Variants in EPHA5 observed in about 807,000 individuals in gnomAD.
The protein encoded by EPHA5 is EPH receptor A5, also known as ephrin type-A receptor 5.
EPHA5 carries 60 observed loss-of-function variants against 105.0 expected under a neutral mutation model. The ratio of observed to expected loss-of-function variants is 0.57; its 90% CI spans 0.46 to 0.71. The LOEUF is 0.71. Among genes scored for constraint, EPHA5 ranks in the 30% least tolerant of loss-of-function variants. The probability of loss-of-function intolerance (pLI) is 0.00; values close to 1 mark genes in which losing one functional copy is unlikely to be tolerated. For synonymous variants in EPHA5, 513 were observed against 449.1 expected (o/e 1.14, Z -1.80); for missense variants, 1,218 against 1,274.7 (o/e 0.96, Z 0.68).
At chr4:65,337,734 G>A (rs1487637969) in intron 14 of EPHA5, among the ~76,000 whole-genome samples, 1 of 152,012 alleles carries the variant, frequency 6.6e-6, no homozygotes, top group East Asian at 1.9e-4. Flanking sequence ...GAGCATAGGA[G>A]ATAGCTGGAC....
intron 3 of EPHA5, among the ~76,000 whole-genome samples, chr4:65,562,695 A>T (rs1178339220): frequency 6.6e-6 from 1 of 152,104 alleles, no homozygotes; most frequent in African/African-American, 2.4e-5. Context: ...ACAATTCTCA[A>T]AAGGCAAGAT....
chr4:65,591,531 G>A (rs1742654765), intron 3 of EPHA5, among the ~76,000 whole-genome samples: 1 of 151,484 alleles, frequency 6.6e-6, no homozygotes, highest in African/African-American at 2.4e-5. Context: ...GTGTTCCCAA[G>A]TTTCACTCAT....
intron 2 of EPHA5, among the ~76,000 whole-genome samples, chr4:65,617,363 A>G (rs549836328): frequency 1.3e-5 from 2 of 152,178 alleles, no homozygotes; most frequent in Admixed American, 1.3e-4. Flanking sequence ...CCTCTCCATC[A>G]CCAGTATTAT....
chr4:65,392,400 A>G (rs1720806941), intron 8 of EPHA5, among the ~76,000 whole-genome samples: 2 of 152,140 alleles, frequency 1.3e-5, no homozygotes, highest in East Asian at 3.9e-4. Flanking sequence ...TTTGGTTACC[A>G]TTATTTTAAA....
intron 3 of EPHA5, 90 bp from the exon 4 acceptor site, chr4:65,495,633 C>A (rs902071781): frequency 1.9e-6 from 2 of 1,027,912 alleles, no homozygotes; most frequent in African/African-American, 1.6e-5. Context: ...CTTGTATATG[C>A]AGATTACAGA....
intron 16 of EPHA5, among the ~76,000 whole-genome samples, chr4:65,324,947 C>T (rs1488767824): frequency 6.6e-6 from 1 of 151,092 alleles, no homozygotes; most frequent in Non-Finnish European, 1.5e-5. Context: ...AAACTAACAA[C>T]ATATTATGGA....
At chr4:65,365,887 A>G in intron 10 of EPHA5, 45 bp downstream of exon 10, 1 of 1,581,864 alleles carries the variant, frequency 6.3e-7, no homozygotes, top group Non-Finnish European at 8.7e-7. Context: ...TACATTCTGG[A>G]ATGCAAACAA....
intron 2 of EPHA5, among the ~76,000 whole-genome samples, chr4:65,607,006 A>G (rs1265428415): frequency 6.6e-6 from 1 of 152,168 alleles, no homozygotes; most frequent in Non-Finnish European, 1.5e-5. Flanking sequence ...TAAATATAAT[A>G]TCTTCTCAAG....
intron 5 of EPHA5, among the ~76,000 whole-genome samples, chr4:65,447,591 A>C (rs1275297011): frequency 6.6e-6 from 1 of 151,896 alleles, no homozygotes; most frequent in Non-Finnish European, 1.5e-5. Context: ...TCTAAATCTT[A>C]CTACTATTTT....
intron 15 of EPHA5, among the ~76,000 whole-genome samples, chr4:65,333,137 G>C (rs890789582): frequency 2.6e-5 from 4 of 151,260 alleles, no homozygotes; most frequent in Non-Finnish European, 5.9e-5. Flanking sequence ...GGAATAATCA[G>C]AAAAAAATGG....
At chr4:65,457,232 A>G (rs1266300224) in intron 5 of EPHA5, among the ~76,000 whole-genome samples, 1 of 152,166 alleles carries the variant, frequency 6.6e-6, no homozygotes, top group African/African-American at 2.4e-5. Flanking sequence ...AGTTCAGTGA[A>G]GGCTGGCTGG....
chr4:65,527,639 G>A (rs1735365662), intron 3 of EPHA5, among the ~76,000 whole-genome samples: 1 of 151,922 alleles, frequency 6.6e-6, no homozygotes, highest in Non-Finnish European at 1.5e-5. Context: ...ATAACTGCCG[G>A]CTACTGGAAC....
chr4:65,363,069 T>C (rs1036485468), intron 11 of EPHA5, among the ~76,000 whole-genome samples: 3 of 151,544 alleles, frequency 2.0e-5, no homozygotes, highest in Non-Finnish European at 4.4e-5. Flanking sequence ...TCAGTGAAGT[T>C]GAAAAAGTAG....
chr4:65,369,918 G>A (rs1395463623), intron 8 of EPHA5, among the ~76,000 whole-genome samples: 1 of 152,132 alleles, frequency 6.6e-6, no homozygotes, highest in Non-Finnish European at 1.5e-5. Context: ...AGTGAGCCAA[G>A]ATCTTGCCAC....
intron 15 of EPHA5, among the ~76,000 whole-genome samples, chr4:65,332,510 A>C (rs1223498424): frequency 6.6e-6 from 1 of 151,442 alleles, no homozygotes; most frequent in Non-Finnish European, 1.5e-5. Flanking sequence ...AATGTACACA[A>C]CCAACAGTGA....
intron 14 of EPHA5, among the ~76,000 whole-genome samples, chr4:65,343,588 A>G (rs1219381681): frequency 6.6e-6 from 1 of 152,208 alleles, no homozygotes; most frequent in Non-Finnish European, 1.5e-5. Context: ...TTTTTCTCCA[A>G]AGAAATATTT....
intron 3 of EPHA5, among the ~76,000 whole-genome samples, chr4:65,591,135 A>G (rs1742603026): frequency 6.6e-6 from 1 of 152,132 alleles, no homozygotes; most frequent in Admixed American, 6.5e-5. Flanking sequence ...CTAAAAAAGT[A>G]AATATATTAT....
At chr4:65,455,858 T>A (rs1312858496) in intron 5 of EPHA5, among the ~76,000 whole-genome samples, 2 of 152,176 alleles carry the variant, frequency 1.3e-5, no homozygotes, top group African/African-American at 4.8e-5. Context: ...TTTCTTAAAT[T>A]CTGAAGAGTT....
chr4:65,466,769 C>T (rs369208366), intron 5 of EPHA5, among the ~76,000 whole-genome samples: 14 of 152,302 alleles, frequency 9.2e-5, no homozygotes, highest in East Asian at 3.9e-4. Flanking sequence ...AGCTCTTAAA[C>T]ATTACCTGGG....
Sources: allele counts gnomAD v4.1 joint callset (sites outside exome capture counted in the v4.1 genomes callset), GRCh38; gene constraint gnomAD v4.1.1; transcripts MANE v1.5; gene names NCBI Gene and HGNC (gene_info 2026-07-23, HGNC 2026-07-21).